GRIK1: variants seen among roughly 807,000 people sequenced by gnomAD.
GRIK1 encodes glutamate receptor ionotropic, kainate 1.
A neutral mutation model predicts 105.7 loss-of-function variants in GRIK1; 69 were observed. That is an observed-to-expected ratio of 0.65 (90% CI 0.54 to 0.80). The LOEUF (loss-of-function observed/expected upper bound fraction) is 0.80, where lower values mean the gene tolerates loss of function less well. Ranked by LOEUF, GRIK1 falls within the 30% of genes least tolerant of loss-of-function variation. GRIK1 has a pLI of 0.00. For synonymous variants in GRIK1, 438 were observed against 431.3 expected (o/e 1.02, Z -0.19); for missense variants, 1,109 against 1,167.3 (o/e 0.95, Z 0.73).
chr21:29,571,886 G>A (rs1458235293), intron 14 of GRIK1, among the ~76,000 whole-genome samples: 3 of 152,204 alleles, frequency 2.0e-5, no homozygotes, highest in African/African-American at 7.2e-5. Context: ...GTTTCCTTGT[G>A]ATTGAGTGGA....
chr21:29,573,022 C>G (rs1489042739), intron 14 of GRIK1, among the ~76,000 whole-genome samples: 2 of 152,178 alleles, frequency 1.3e-5, no homozygotes, highest in African/African-American at 4.8e-5. Flanking sequence ...ATCCACCAGC[C>G]TCGGCCTCCC....
rs2089906331 is a variant in GRIK1, at chr21:29,537,874, G to T, written c.2618C>A (p.Ser873Ter). ...KNNDIEQKGK[S>*]SRIRFYFRNK... is the part of the protein sequence containing the mutation. ...CCTAAAATAAAATCTAATTCTTGAT[G>T]ACTTTCCTTTCTGATAAAAAAAAAA... The change falls in exon 17 of 18, where the codon TCA (serine) becomes TAA (stop). Residue 873 changes from serine (S) to a stop codon, truncating the protein, a stop_gained. Coordinates refer to ENST00000327783, the MANE Select transcript of GRIK1 (RefSeq NM_001330994.2). LOFTEE classifies it high-confidence loss of function. 5.4e-6 allele frequency: 7 copies of T among 1,305,630 alleles called. No individual in the cohort carries two copies. The highest frequency in any genetic ancestry group is 2.5e-5 in the South Asian group (2 of 79,968). The allele number at this position is 1,305,630 out of a possible 1,614,324, so 80.9% of individuals were successfully genotyped here.
At chr21:29,867,940 G>GAGAA (rs1569174633) in intron 1 of GRIK1, among the ~76,000 whole-genome samples, 2,745 of 106,290 alleles carry the variant, frequency 0.026, 76 homozygotes, top group African/African-American at 0.077. Flanking sequence ...GAGAGAAAGA[G>GAGAA]AGAGAGAAAG....
chr21:29,571,372 A>G (rs1365570284), intron 14 of GRIK1, among the ~76,000 whole-genome samples: 1 of 152,096 alleles, frequency 6.6e-6, no homozygotes, highest in Non-Finnish European at 1.5e-5. Context: ...AAAGAAAAAA[A>G]AAATTCCACT....
At chr21:29,649,900 C>T (rs2062697314) in intron 6 of GRIK1, among the ~76,000 whole-genome samples, 1 of 152,168 alleles carries the variant, frequency 6.6e-6, no homozygotes, top group South Asian at 2.1e-4. Flanking sequence ...CATATTTGAA[C>T]TCATTGAAAT....
At chr21:29,816,702 A>G (rs1367532525) in intron 1 of GRIK1, among the ~76,000 whole-genome samples, 3 of 152,168 alleles carry the variant, frequency 2.0e-5, no homozygotes, top group Non-Finnish European at 4.4e-5. Context: ...AGAAAGTCAA[A>G]CATTGCATGT....
chr21:29,602,128 G>A (rs1436334280), intron 7 of GRIK1, among the ~76,000 whole-genome samples: 2 of 152,144 alleles, frequency 1.3e-5, no homozygotes, highest in Non-Finnish European at 2.9e-5. Context: ...TTAGGCCACA[G>A]AGAAATGCAC....
chr21:29,537,739 AT>A (rs754124638), intron 17 of GRIK1, 58 bp downstream of exon 17: 10 of 855,636 alleles, frequency 1.2e-5, no homozygotes, highest in Admixed American at 1.7e-5. Flanking sequence ...TGATCCAAAC[AT>A]TGATAGGATT....
chr21:29,539,477 G>C (rs2089935378), intron 16 of GRIK1, among the ~76,000 whole-genome samples: 2 of 152,124 alleles, frequency 1.3e-5, no homozygotes, highest in Admixed American at 1.3e-4. Context: ...TTAAAGTATG[G>C]TTTGTCTAGT....
At chr21:29,633,326 C>G (rs2146492223) in intron 7 of GRIK1, among the ~76,000 whole-genome samples, 1 of 152,198 alleles carries the variant, frequency 6.6e-6, no homozygotes, top group African/African-American at 2.4e-5. Flanking sequence ...TGGTGAAACC[C>G]CATCTCTATT....
intron 1 of GRIK1, among the ~76,000 whole-genome samples, chr21:29,708,153 T>G (rs1457631729): frequency 6.6e-6 from 1 of 152,186 alleles, no homozygotes; most frequent in Non-Finnish European, 1.5e-5. Flanking sequence ...TCCCTCAGAA[T>G]CTGTATGATT....
At chr21:29,599,103 G>T (rs186096049) in intron 7 of GRIK1, among the ~76,000 whole-genome samples, 166 bp from the exon 8 acceptor site, 1 of 152,244 alleles carries the variant, frequency 6.6e-6, no homozygotes, top group Admixed American at 6.5e-5. Flanking sequence ...AGAACACATC[G>T]TCTTTTTATT....
chr21:29,855,918 A>T (rs546332396), intron 1 of GRIK1, among the ~76,000 whole-genome samples: 1 of 152,274 alleles, frequency 6.6e-6, no homozygotes, highest in South Asian at 2.1e-4. Context: ...TTTGGCTTGA[A>T]CAACTGGGTG....
chr21:29,854,162 G>A (rs1297045303), intron 1 of GRIK1, among the ~76,000 whole-genome samples: 2 of 152,150 alleles, frequency 1.3e-5, no homozygotes, highest in African/African-American at 4.8e-5. Flanking sequence ...TGTGGTAGAA[G>A]GGGAAGGGGA....
At chr21:29,685,442 G>A (rs2063469903) in intron 3 of GRIK1, among the ~76,000 whole-genome samples, 1 of 151,576 alleles carries the variant, frequency 6.6e-6, no homozygotes, top group South Asian at 2.1e-4. Flanking sequence ...CAGAATAGGA[G>A]TTTTTTTTGT....
chr21:29,876,460 G>A (rs140863579), intron 1 of GRIK1, among the ~76,000 whole-genome samples: 6 of 152,184 alleles, frequency 3.9e-5, no homozygotes, highest in East Asian at 3.9e-4. Flanking sequence ...ATGCTTTGAC[G>A]ATACCAGAAT....
chr21:29,861,581 A>G, intron 1 of GRIK1: 1 of 353,688 alleles, frequency 2.8e-6, no homozygotes, highest in Non-Finnish European at 5.6e-6. Flanking sequence ...GTGTGGGATT[A>G]TAGGTGTGAG....
At chr21:29,624,036 G>A (rs1004049583) in intron 7 of GRIK1, among the ~76,000 whole-genome samples, 1 of 152,182 alleles carries the variant, frequency 6.6e-6, no homozygotes, top group African/African-American at 2.4e-5. Flanking sequence ...AAAAGAAAAT[G>A]TGTAATGCAT....
chr21:29,805,362 C>T (rs1253724391), intron 1 of GRIK1, among the ~76,000 whole-genome samples: 1 of 152,124 alleles, frequency 6.6e-6, no homozygotes, highest in Non-Finnish European at 1.5e-5. Context: ...ACCGAAGCCA[C>T]TAGGTCCTTT....
Sources: allele counts gnomAD v4.1 joint callset (sites outside exome capture counted in the v4.1 genomes callset), GRCh38; gene constraint gnomAD v4.1.1; transcripts MANE v1.5; gene names NCBI Gene and HGNC (gene_info 2026-07-23, HGNC 2026-07-21).